ACADVL: variants seen among roughly 807,000 people sequenced by gnomAD.
ACADVL encodes very long-chain acyl-CoA dehydrogenase, mitochondrial.
ACADVL carries 73 observed loss-of-function variants against 80.4 expected under a neutral mutation model. That is an observed-to-expected ratio of 0.91 (90% confidence interval 0.75 to 1.10). The LOEUF (loss-of-function observed/expected upper bound fraction) is 1.10. Among genes scored for constraint, ACADVL ranks in the 50% least tolerant of loss-of-function variants. ACADVL has a pLI of 0.00. For synonymous variants in ACADVL, 392 were observed against 326.5 expected (o/e 1.20, Z -2.16); for missense variants, 878 against 858.9 (o/e 1.02, Z -0.28).
upstream of ACADVL, chr17:7,218,763 G>A: frequency 6.3e-7 from 1 of 1,598,766 alleles, no homozygotes; most frequent in Non-Finnish European, 8.6e-7. Context: ...TTGGGGAGAA[G>A]GATCTCCGAG....
intron 7 of ACADVL, 44 bp downstream of exon 7, chr17:7,221,726 G>A: frequency 2.5e-6 from 4 of 1,613,004 alleles, no homozygotes; most frequent in Non-Finnish European, 3.4e-6. Context: ...GGCACACTGG[G>A]CTTGGCACAG....
chr17:7,223,442 A>G, intron 11 of ACADVL: 1 of 804,614 alleles, frequency 1.2e-6, no homozygotes. Context: ...GCAGTACCAG[A>G]AGTTAATTCT....
At chr17:7,223,074 T>C in intron 10 of ACADVL, 59 bp from the exon 11 acceptor site, 1 of 1,547,148 alleles carries the variant, frequency 6.5e-7, no homozygotes, top group Non-Finnish European at 8.9e-7. Flanking sequence ...CCAGCCCCTC[T>C]CCTAGGGAGA....
At chr17:7,218,700 T>G, upstream of ACADVL, 1 of 1,531,176 alleles carries the variant, frequency 6.5e-7, no homozygotes, top group Non-Finnish European at 8.9e-7. Context: ...ATGAACACAC[T>G]GTCACTTCAT....
chr17:7,222,890 G>A (rs1228435851), intron 10 of ACADVL, 25 bp downstream of exon 10: 10 of 1,607,588 alleles, frequency 6.2e-6, no homozygotes, highest in African/African-American at 4.0e-5. Context: ...CGAGTCCCTA[G>A]GTAACCCAAA....
upstream of ACADVL, chr17:7,219,569 G>A (rs1449157925): frequency 9.0e-7 from 1 of 1,115,024 alleles, no homozygotes; most frequent in East Asian, 7.0e-5. Flanking sequence ...GTCTTTCCAT[G>A]TCTCTGCCTC....
rs766652321 is a variant in ACADVL at position 7,224,089 on chromosome 17, G to T, written c.1434+20G>T. ...TGTATGGTAAGACAGAGAATTGGGT[G>T]GGGGTAGAGGTGGGGAGGACAGTGA... On this transcript the variant is annotated intron_variant, in intron 14 of 19. Transcript: ENST00000356839. The T allele has an allele frequency of 1.4e-5, 23 of 1,613,854 alleles. No homozygotes were observed. The highest frequency in any genetic ancestry group is 1.9e-5 in the Non-Finnish European group (23 of 1,179,796).
chr17:7,219,464 CTT>C, upstream of ACADVL: 2 of 1,037,224 alleles, frequency 1.9e-6, no homozygotes, highest in Non-Finnish European at 2.3e-6. Context: ...GAAGAATACA[CTT>C]AGGGTACTCA....
At chr17:7,222,418 A>C (rs1161749313) in intron 9 of ACADVL, 116 bp downstream of exon 9, 1 of 1,463,924 alleles carries the variant, frequency 6.8e-7, no homozygotes, top group Non-Finnish European at 9.2e-7. Context: ...AGGTGGACTG[A>C]ATGTGGCCTT....
intron 10 of ACADVL, 98 bp downstream of exon 10, chr17:7,222,963 G>T (rs1169136034): frequency 2.0e-6 from 3 of 1,503,480 alleles, no homozygotes; most frequent in African/African-American, 2.8e-5. Flanking sequence ...CCCTACACTA[G>T]AAACTCCTCC....
upstream of ACADVL, chr17:7,219,739 A>C: frequency 6.9e-7 from 1 of 1,442,454 alleles, no homozygotes; most frequent in African/African-American, 1.4e-5. Flanking sequence ...ACTAGACTCT[A>C]GGTCGGACGG....
Position 7,224,638 on chromosome 17 carries a change from A to G in ACADVL, c.1679-4A>G. On this transcript the variant is annotated splice_polypyrimidine_tract_variant and splice_region_variant and intron_variant, in intron 17 of 19. Transcript: ENST00000356839. Reference sequence around the variant, plus strand: ...CCCCCACCCCCACCCCACCTACCGGACAGATGAACAGTTTCTGCTGCAGCG... The same window carrying G: ...CCCCCACCCCCACCCCACCTACCGGGCAGATGAACAGTTTCTGCTGCAGCG... 1 of 654,830 alleles carries G rather than the reference A, an allele frequency of 1.5e-6. No homozygotes were observed. The highest frequency in any genetic ancestry group is 2.2e-6 in the Non-Finnish European group (1 of 446,704). 40.6% of individuals were successfully genotyped at this position (654,830 alleles called of 1,614,324 possible). A position where few individuals can be genotyped will look rare whatever the true frequency, so the allele number is the denominator to read the frequency against.
At position 7,223,992 on chromosome 17, in the gene ACADVL, C is replaced by T. The variant is rs794727113; in HGVS notation, c.1357C>T (p.Arg453Ter). The change falls in exon 14 of 20, where the codon CGA (arginine) becomes TGA (stop). Residue 453 changes from arginine to a stop codon, truncating the protein, a stop_gained. Transcript: ENST00000356839. LOFTEE classifies it high-confidence loss of function. The stretch of plus-strand genomic sequence containing the variant: ...GGAACCTGGAGTAGAGCGTGTGCTC[C>T]GAGATCTTCGCATCTTCCGGATCTT... ...MKEPGVERVL[R>*]DLRIFRIFEG... The T allele has an allele frequency of 6.8e-6, 11 of 1,613,912 alleles. No individual in the cohort carries two copies. Among genetic ancestry groups the T allele is most frequent in the Admixed American group, 1.7e-5 (1 of 59,998 alleles).
intron 7 of ACADVL, 59 bp from the exon 8 acceptor site, chr17:7,221,893 G>A (rs1199049151): frequency 1.9e-6 from 3 of 1,613,186 alleles, no homozygotes; most frequent in East Asian, 2.2e-5. Flanking sequence ...TGGGGAAGTG[G>A]GCCGAGGGGA....
chr17:7,223,090 G>A (rs759318840), intron 10 of ACADVL, 43 bp from the exon 11 acceptor site: 2 of 1,571,926 alleles, frequency 1.3e-6, no homozygotes, highest in South Asian at 1.1e-5. Flanking sequence ...GGAGACTGCA[G>A]AACCACACTG....
Position 7,221,535 on chromosome 17 carries a change from C to T in ACADVL, c.478-3C>T, listed in dbSNP as rs1290306418. 3 of 1,614,132 alleles carry T rather than the reference C, an allele frequency of 1.9e-6. No individual in the cohort carries two copies. In the South Asian group the frequency reaches 3.3e-5, roughly 18 times the overall value. On this transcript the variant is annotated splice_region_variant and splice_polypyrimidine_tract_variant and intron_variant, in intron 6 of 19. Transcript: ENST00000356839. Reference sequence around the variant, plus strand: ...CAACCCCAGATTCCTGCTTCCCCTCCAGTACGCCCGTTTGGTGGAGATCGT... The same window carrying T: ...CAACCCCAGATTCCTGCTTCCCCTCTAGTACGCCCGTTTGGTGGAGATCGT...
Position 7,220,766 on chromosome 17 carries a change from T to C in ACADVL, c.278T>C (p.Val93Ala), listed in dbSNP as rs886053373. ...TTDQVFPYPS[V>A]LNEEQTQFLK... ...CCAGCCTGTCCCCCACCCTCTGCAG[T>C]GCTCAACGAAGAGCAGACACAGTTT... is the stretch of plus-strand genomic sequence containing the variant. The change falls in exon 5 of 20, where the codon GTG becomes GCG. Residue 93 changes from valine (V) to alanine (A), a missense_variant and splice_region_variant. Coordinates refer to ENST00000356839, the MANE Select transcript of ACADVL (RefSeq NM_000018.4). 1.2e-6 allele frequency: 2 copies of C among 1,614,000 alleles called. No individual in the cohort carries two copies. The highest frequency in any genetic ancestry group is 2.7e-5 in the African/African-American group (2 of 74,916).
At chr17:7,223,287 A>T (rs756286543) in intron 11 of ACADVL, 50 bp downstream of exon 11, 2 of 1,532,566 alleles carry the variant, frequency 1.3e-6, no homozygotes, top group South Asian at 2.2e-5. Flanking sequence ...CTTTCTTCCC[A>T]GTCGGGTCAG....
chr17:7,220,700 T>C lies in ACADVL; in HGVS notation c.277+24T>C, dbSNP rs199945418. On this transcript the variant is annotated intron_variant, in intron 4 of 19. Transcript: ENST00000356839. ...CGGTAAGGGAAGGGATAATCAGAGC[T>C]GGGTGGGGCCAGGGTGGTTTCCCCT... 6.0e-5 allele frequency: 97 copies of C among 1,614,190 alleles called. No individual in the cohort carries two copies. The Admixed American group carries it at 1.3e-3, about 21-fold the overall frequency.
Sources: allele counts gnomAD v4.1 joint callset, GRCh38; gene constraint gnomAD v4.1.1; transcripts MANE v1.5; gene names NCBI Gene and HGNC (gene_info 2026-07-23, HGNC 2026-07-21).